The following ATP8B1 variants were observed in gnomAD, a reference collection of about 807,000 sequenced individuals.
The protein encoded by ATP8B1 is phospholipid-transporting ATPase IC.
A neutral mutation model predicts 149.9 loss-of-function variants in ATP8B1; 80 were observed. That is an observed-to-expected ratio of 0.53 (90% CI 0.45 to 0.64). The LOEUF (loss-of-function observed/expected upper bound fraction) is 0.64. ATP8B1 is among the 30% of genes least tolerant of loss of function. ATP8B1 has a pLI of 0.00. For synonymous variants in ATP8B1, 536 were observed against 562.8 expected, an observed-to-expected ratio of 0.95 and a Z score of 0.67; for missense variants, 1,247 against 1,552.6, an observed-to-expected ratio of 0.80 and a Z score of 3.31.
intron 2 of ATP8B1, among the ~76,000 whole-genome samples, chr18:57,725,669 G>A (rs949974180): frequency 6.6e-6 from 1 of 152,148 alleles, no homozygotes; most frequent in Admixed American, 6.6e-5. Context: ...CGTGGTATTG[G>A]CATAAAAACA....
intron 27 of ATP8B1, among the ~76,000 whole-genome samples, chr18:57,648,999 G>A (rs538045131): frequency 6.6e-6 from 1 of 152,172 alleles, no homozygotes; most frequent in Admixed American, 6.5e-5. Context: ...CCAGGTTCAA[G>A]CGATCCTCCT....
At chr18:57,706,694 C>T in intron 2 of ATP8B1, 107 bp from the exon 3 acceptor site, 1 of 906,820 alleles carries the variant, frequency 1.1e-6, no homozygotes, top group South Asian at 1.4e-5. Context: ...ACCTCCATCC[C>T]TCAGAATGTG....
intron 2 of ATP8B1, among the ~76,000 whole-genome samples, chr18:57,716,264 G>A (rs564429465): frequency 1.2e-4 from 19 of 152,112 alleles, no homozygotes; most frequent in Non-Finnish European, 2.5e-4. Context: ...TCACTAAAAG[G>A]CAGAAGGGAA....
intron 1 of ATP8B1, among the ~76,000 whole-genome samples, chr18:57,743,664 G>A (rs77104820): frequency 0.015 from 2,208 of 152,204 alleles, 45 homozygotes; most frequent in African/African-American, 0.049. Flanking sequence ...GCCCAGCACC[G>A]GCGCAGGTGG....
At chr18:57,801,169 C>T (rs963696176) in intron 1 of ATP8B1, among the ~76,000 whole-genome samples, 9 of 152,220 alleles carry the variant, frequency 5.9e-5, no homozygotes, top group African/African-American at 2.2e-4. Flanking sequence ...GAGCTGACCT[C>T]ACACAGGTGG....
intron 20 of ATP8B1, among the ~76,000 whole-genome samples, chr18:57,665,477 A>G (rs895770353): frequency 1.4e-4 from 22 of 152,206 alleles, no homozygotes; most frequent in Admixed American, 1.1e-3. Context: ...ACAAAGCCAT[A>G]TAGTAATTAA....
intron 1 of ATP8B1, among the ~76,000 whole-genome samples, chr18:57,801,306 C>T (rs1490701156): frequency 6.6e-6 from 1 of 152,158 alleles, no homozygotes; most frequent in Non-Finnish European, 1.5e-5. Flanking sequence ...GGTTAATGTT[C>T]CTTCCCAAAA....
chr18:57,705,660 G>A (rs1913352347), intron 3 of ATP8B1, among the ~76,000 whole-genome samples: 1 of 152,088 alleles, frequency 6.6e-6, no homozygotes, highest in South Asian at 2.1e-4. Flanking sequence ...AGAAGCCAGG[G>A]GAGAGGCAGG....
At chr18:57,678,457 T>C (rs930447836) in intron 15 of ATP8B1, among the ~76,000 whole-genome samples, 2 of 151,730 alleles carry the variant, frequency 1.3e-5, no homozygotes, top group African/African-American at 4.9e-5. Context: ...TGTGGTGGTA[T>C]GCACCTGTAA....
chr18:57,665,033 A>G (rs1446622450), intron 20 of ATP8B1, among the ~76,000 whole-genome samples: 1 of 152,072 alleles, frequency 6.6e-6, no homozygotes, highest in Non-Finnish European at 1.5e-5. Context: ...TCTACCCACT[A>G]GAAGCCAGGA....
intron 13 of ATP8B1, 125 bp downstream of exon 13, chr18:57,688,174 T>TA: frequency 2.8e-6 from 3 of 1,073,566 alleles, no homozygotes; most frequent in Non-Finnish European, 2.8e-6. Context: ...AGAATGGCCC[T>TA]AGCAGCAGGA....
At chr18:57,775,642 G>GT (rs35786009) in intron 1 of ATP8B1, among the ~76,000 whole-genome samples, 49 of 95,008 alleles carry the variant, frequency 5.2e-4, no homozygotes, top group African/African-American at 1.7e-3. Flanking sequence ...AACTGGCCAT[G>GT]TTTTTTTTTT....
At chr18:57,741,906 G>A (rs2079917757) in intron 1 of ATP8B1, among the ~76,000 whole-genome samples, 1 of 152,152 alleles carries the variant, frequency 6.6e-6, no homozygotes. Flanking sequence ...GTCTCACTCT[G>A]TCACCCAGGC....
intron 1 of ATP8B1, among the ~76,000 whole-genome samples, chr18:57,777,510 G>C (rs774710092): frequency 5.3e-5 from 8 of 152,182 alleles, no homozygotes; most frequent in African/African-American, 9.7e-5. Flanking sequence ...CCGTGCCTTT[G>C]GGTAGGAGAG....
intron 1 of ATP8B1, among the ~76,000 whole-genome samples, chr18:57,764,381 TTTTCTCTCTTTCTCTCTTTCTTTC>T (rs1394598169): frequency 3.3e-5 from 5 of 150,106 alleles, no homozygotes; most frequent in African/African-American, 4.9e-5. Context: ...TTCTTTCTCT[TTTTCTCTCTTTCTCTCTTTCTTTC>T]TTTCTCTCTT....
Position 57,653,282 on chromosome 18 carries a change from CTTTTTTTTTTTT to C in ATP8B1, c.3016-565_3016-554del, listed in dbSNP as rs199543849. Among the ~76,000 whole-genome samples the C allele has an allele frequency of 2.5e-3, 290 of 114,468 alleles. 10 individuals carry two copies. The East Asian group carries it at 0.057, about 22-fold the overall frequency. The allele number at this position is 114,468 out of a possible 152,430, so 75.1% of individuals were successfully genotyped here. A position where few individuals can be genotyped will look rare whatever the true frequency, so the allele number is the denominator to read the frequency against. ...GGGTGCCTTTTTTTCCTTTTCTTTT[CTTTTTTTTTTTT>C]TTTTTTTGGAGACAGGGTCTCACTT... On this transcript the variant is annotated intron_variant, in intron 24 of 27. Coordinates refer to ENST00000648908, the MANE Select transcript of ATP8B1 (RefSeq NM_001374385.1).
intron 1 of ATP8B1, among the ~76,000 whole-genome samples, chr18:57,800,518 T>C (rs938259347): frequency 6.6e-6 from 1 of 152,164 alleles, no homozygotes; most frequent in African/African-American, 2.4e-5. Context: ...TATAAAAAAC[T>C]AAAATGGAAT....
chr18:57,734,800 T>C (rs2079829883), intron 1 of ATP8B1, among the ~76,000 whole-genome samples: 1 of 152,088 alleles, frequency 6.6e-6, no homozygotes, highest in South Asian at 2.1e-4. Context: ...AGCTTTTCAG[T>C]AGCAAGCACA....
chr18:57,689,031 A>G (rs1912399374), intron 12 of ATP8B1, among the ~76,000 whole-genome samples: 1 of 152,204 alleles, frequency 6.6e-6, no homozygotes, highest in Non-Finnish European at 1.5e-5. Context: ...TTCAGGGTCA[A>G]GCTGATTTTA....
Sources: gnomAD v4.1 joint callset for allele counts (sites outside exome capture counted in the v4.1 genomes callset) on GRCh38, gnomAD v4.1.1 for gene constraint, MANE v1.5 for transcripts, NCBI Gene and HGNC (gene_info 2026-07-23, HGNC 2026-07-21) for gene names.